GPM6A: variants seen among roughly 807,000 people sequenced by gnomAD.
GPM6A encodes the protein neuronal membrane glycoprotein M6-a.
GPM6A carries 7 observed loss-of-function variants against 32.1 expected under a neutral mutation model. The observed-to-expected ratio is 0.22, with a 90% CI of 0.12 to 0.41. GPM6A has a LOEUF of 0.41. Among genes scored for constraint, GPM6A ranks in the 10% least tolerant of loss-of-function variants. The pLI is 1.00. For synonymous variants in GPM6A, 130 were observed against 123.4 expected (o/e 1.05, Z -0.35); for missense variants, 235 against 347.2 (o/e 0.68, Z 2.57).
chr4:175,713,295 C>T (rs939762799), intron 1 of GPM6A, among the ~76,000 whole-genome samples: 2 of 152,088 alleles, frequency 1.3e-5, no homozygotes, highest in East Asian at 1.9e-4. Flanking sequence ...CTCTGCCTCC[C>T]GATTTCAAGC....
At chr4:175,893,670 G>T (rs1737712200) in intron 1 of GPM6A, among the ~76,000 whole-genome samples, 1 of 152,118 alleles carries the variant, frequency 6.6e-6, no homozygotes, top group African/African-American at 2.4e-5. Flanking sequence ...TATAAGACAG[G>T]TGGGGATGAT....
intron 6 of GPM6A, among the ~76,000 whole-genome samples, chr4:175,635,779 C>T (rs1219779080): frequency 6.6e-6 from 1 of 152,010 alleles, no homozygotes; most frequent in Non-Finnish European, 1.5e-5. Context: ...TTTCTTTCTT[C>T]CCTCTTGGTC....
intron 1 of GPM6A, among the ~76,000 whole-genome samples, chr4:175,809,440 A>G (rs1037388370): frequency 6.6e-6 from 1 of 151,924 alleles, no homozygotes; most frequent in African/African-American, 2.4e-5. Context: ...AGATGAAGTA[A>G]GTGGCTTTCA....
intron 1 of GPM6A, among the ~76,000 whole-genome samples, chr4:175,802,371 A>G (rs1319074073): frequency 1.3e-5 from 2 of 152,106 alleles, no homozygotes; most frequent in Non-Finnish European, 2.9e-5. Flanking sequence ...ATGAGCATTG[A>G]AAGGTTAGAT....
At chr4:175,636,566 C>T (rs1488344176) in intron 6 of GPM6A, among the ~76,000 whole-genome samples, 2 of 150,120 alleles carry the variant, frequency 1.3e-5, no homozygotes, top group East Asian at 3.9e-4. Flanking sequence ...GAGGCCAAGG[C>T]GGGTTGATCA....
rs146327507 is a variant in GPM6A, at chr4:175,964,748, T to C, written c.-23+37561A>G. Among the ~76,000 whole-genome samples, 5 of 152,308 alleles carry C rather than the reference T, an allele frequency of 3.3e-5. No individual in the cohort carries two copies. In the South Asian group the frequency reaches 6.2e-4, roughly 19 times the overall value. ...GCACACAATTCAGTCCATTACATTG[T>C]TAACACAAATCAAAAGCAGGTTGCA... On this transcript the variant is annotated intron_variant, in intron 1 of 7. Coordinates refer to the GPM6A transcript ENST00000280187.
At chr4:175,664,762 T>C (rs1391150725) in intron 3 of GPM6A, among the ~76,000 whole-genome samples, 1 of 152,182 alleles carries the variant, frequency 6.6e-6, no homozygotes, top group African/African-American at 2.4e-5. Flanking sequence ...AAGAGCCCCT[T>C]TTACTCACTA....
intron 1 of GPM6A, among the ~76,000 whole-genome samples, chr4:175,920,803 T>C (rs955116337): frequency 6.6e-6 from 1 of 150,708 alleles, no homozygotes; most frequent in Non-Finnish European, 1.5e-5. Flanking sequence ...CTTGTGCCAC[T>C]GCACTCCAGC....
chr4:175,967,187 A>C (rs1740357871), intron 1 of GPM6A, among the ~76,000 whole-genome samples: 1 of 152,236 alleles, frequency 6.6e-6, no homozygotes, highest in Admixed American at 6.5e-5. Flanking sequence ...CACAAAGCCA[A>C]AGAATAAAAA....
At chr4:175,777,003 G>A (rs1733422688) in intron 1 of GPM6A, among the ~76,000 whole-genome samples, 1 of 152,170 alleles carries the variant, frequency 6.6e-6, no homozygotes, top group Admixed American at 6.5e-5. Flanking sequence ...ACACATGGGT[G>A]TGTGCACGTA....
intron 1 of GPM6A, among the ~76,000 whole-genome samples, chr4:175,766,347 G>T (rs1405330679): frequency 6.6e-6 from 1 of 152,150 alleles, no homozygotes; most frequent in African/African-American, 2.4e-5. Flanking sequence ...AAATGCAGCA[G>T]CTCTAATCAT....
chr4:175,706,179 T>C (rs1745177549), intron 1 of GPM6A, among the ~76,000 whole-genome samples: 1 of 151,726 alleles, frequency 6.6e-6, no homozygotes, highest in East Asian at 1.9e-4. Flanking sequence ...AACTTCAAAA[T>C]TTCAAAGAAA....
intron 1 of GPM6A, among the ~76,000 whole-genome samples, chr4:175,764,818 G>C (rs964368654): frequency 6.0e-5 from 9 of 149,592 alleles, no homozygotes; most frequent in Non-Finnish European, 1.0e-4. Context: ...TTCTCCTATA[G>C]CTCCATTCTA....
intron 1 of GPM6A, among the ~76,000 whole-genome samples, chr4:175,932,364 C>G (rs963037023): frequency 2.0e-5 from 3 of 152,180 alleles, no homozygotes; most frequent in Admixed American, 2.0e-4. Flanking sequence ...CTCAGCATTT[C>G]TTCCCTCCAG....
chr4:175,865,978 A>C (rs983909090), intron 1 of GPM6A, among the ~76,000 whole-genome samples: 3 of 152,150 alleles, frequency 2.0e-5, no homozygotes, highest in African/African-American at 7.2e-5. Flanking sequence ...TTTAATTGAA[A>C]ACTCAATTTC....
At chr4:175,942,774 A>C (rs1739454819) in intron 1 of GPM6A, among the ~76,000 whole-genome samples, 1 of 152,132 alleles carries the variant, frequency 6.6e-6, no homozygotes, top group African/African-American at 2.4e-5. Flanking sequence ...TATTTTGGTT[A>C]CTGTAGCCTT....
At chr4:175,862,362 T>A (rs1470203031) in intron 1 of GPM6A, among the ~76,000 whole-genome samples, 4 of 152,214 alleles carry the variant, frequency 2.6e-5, no homozygotes, top group Non-Finnish European at 5.9e-5. Context: ...GACTCCCTGT[T>A]TCTGGATTTT....
intron 1 of GPM6A, among the ~76,000 whole-genome samples, chr4:175,939,033 A>G (rs1259437702): frequency 6.6e-6 from 1 of 152,200 alleles, no homozygotes; most frequent in Non-Finnish European, 1.5e-5. Flanking sequence ...CAAAAGAATA[A>G]TGCTAAATAT....
At chr4:175,962,498 C>T (rs900666049) in intron 1 of GPM6A, 6 of 576,804 alleles carry the variant, frequency 1.0e-5, no homozygotes, top group Admixed American at 2.0e-5. Context: ...TCACAGCTGC[C>T]TATCACTTCC....
Sources: gnomAD v4.1 joint callset for allele counts (sites outside exome capture counted in the v4.1 genomes callset) on GRCh38, gnomAD v4.1.1 for gene constraint, MANE v1.5 for transcripts, NCBI Gene and HGNC (gene_info 2026-07-23, HGNC 2026-07-21) for gene names.